Variants in SNAP91 observed in about 807,000 individuals in gnomAD.
SNAP91 encodes synaptosome associated protein 91, also known as clathrin coat assembly protein AP180.
Under a neutral mutation model 100.3 loss-of-function variants are expected in SNAP91, and 27 were observed. The observed-to-expected ratio is 0.27, with a 90% CI of 0.20 to 0.37. The LOEUF is 0.37. Among genes scored for constraint, SNAP91 ranks in the 10% least tolerant of loss-of-function variants. SNAP91 has a pLI of 1.00. For missense variants in SNAP91, 986 were observed against 1,123.7 expected (o/e 0.88, Z 1.75); for synonymous variants, 404 against 398.6 (o/e 1.01, Z -0.16).
intron 9 of SNAP91, among the ~76,000 whole-genome samples, chr6:83,618,662 T>C (rs1049138456): frequency 6.6e-6 from 1 of 151,958 alleles, no homozygotes; most frequent in East Asian, 1.9e-4. Flanking sequence ...ATCTGATAAC[T>C]TCAAAATTGT....
intron 2 of SNAP91, among the ~76,000 whole-genome samples, chr6:83,700,102 A>C (rs998479519): frequency 2.6e-5 from 4 of 152,226 alleles, no homozygotes; most frequent in African/African-American, 7.2e-5. Context: ...GAATAATAAC[A>C]GCACGTAAGA....
chr6:83,642,177 T>C (rs1168071322), intron 7 of SNAP91, among the ~76,000 whole-genome samples: 1 of 151,802 alleles, frequency 6.6e-6, no homozygotes, highest in Non-Finnish European at 1.5e-5. Flanking sequence ...TTTTCAGTAT[T>C]CTTTTTTTAA....
intron 22 of SNAP91, among the ~76,000 whole-genome samples, chr6:83,583,700 CT>C (rs1431396537): frequency 2.6e-5 from 4 of 152,172 alleles, no homozygotes; most frequent in Admixed American, 1.3e-4. Flanking sequence ...CACATTGTCT[CT>C]TCTTCACAAA....
chr6:83,645,842 C>T (rs1387972912), intron 7 of SNAP91, among the ~76,000 whole-genome samples: 2 of 152,122 alleles, frequency 1.3e-5, no homozygotes, highest in Admixed American at 6.5e-5. Context: ...CAGAATAAGA[C>T]CTCCACTAAA....
In SNAP91 at chr6:83,694,815, C is replaced by G. The variant is rs150308417; in HGVS notation, c.130+12983G>C. ...ATTGGTTACAAGGGCCAAAATGCTT[C>G]TCTTTTTGCCAAAACTATTTTGATC... On this transcript the variant is annotated intron_variant, in intron 2 of 29. Coordinates refer to ENST00000369694, the MANE Select transcript of SNAP91 (RefSeq NM_001242792.2). 8.6e-3 allele frequency among the ~76,000 whole-genome samples: 1,301 copies of G among 150,530 alleles called. 17 individuals carry two copies. The highest frequency in any genetic ancestry group is 0.03 in the African/African-American group (1,209 of 39,872).
intron 2 of SNAP91, among the ~76,000 whole-genome samples, chr6:83,668,640 T>A (rs1466432986): frequency 2.0e-5 from 3 of 151,846 alleles, no homozygotes; most frequent in African/African-American, 2.4e-5. Flanking sequence ...TGAGAACACA[T>A]GGACACAGGA....
At chr6:83,616,868 C>T (rs1366235545) in intron 10 of SNAP91, 101 bp downstream of exon 10, 26 of 791,052 alleles carry the variant, frequency 3.3e-5, no homozygotes, top group Non-Finnish European at 3.9e-6. Context: ...AAAGCATACC[C>T]TAAAACTAGA....
At chr6:83,572,553 A>G (rs558219466) in intron 26 of SNAP91, among the ~76,000 whole-genome samples, 2 of 152,136 alleles carry the variant, frequency 1.3e-5, no homozygotes, top group East Asian at 3.9e-4. Context: ...TGCCCAGCCA[A>G]CTTTTTTTTT....
chr6:83,708,789 G>C (rs2099415413), intron 1 of SNAP91, 56 bp downstream of exon 1: 1 of 152,072 alleles, frequency 6.6e-6, no homozygotes, highest in African/African-American at 2.4e-5. Flanking sequence ...ATCCTCTGCG[G>C]ATCCCCGCGA....
At chr6:83,625,297 G>A (rs2096889635) in intron 8 of SNAP91, among the ~76,000 whole-genome samples, 1 of 152,090 alleles carries the variant, frequency 6.6e-6, no homozygotes, top group South Asian at 2.1e-4. Context: ...CCACTGATGG[G>A]CACCTAGGTT....
chr6:83,709,327 C>T (rs964623140), upstream of SNAP91: 1 of 152,374 alleles, frequency 6.6e-6, no homozygotes, highest in Non-Finnish European at 1.5e-5. Context: ...GACACCCACC[C>T]AGCCAGCGGC....
At chr6:83,605,187 A>T (rs916001426) in intron 14 of SNAP91, among the ~76,000 whole-genome samples, 1 of 152,162 alleles carries the variant, frequency 6.6e-6, no homozygotes, top group African/African-American at 2.4e-5. Context: ...TTCTGGTACA[A>T]ATAAGAATCT....
At chr6:83,604,729 C>A (rs1034494884) in intron 14 of SNAP91, among the ~76,000 whole-genome samples, 8 of 152,120 alleles carry the variant, frequency 5.3e-5, no homozygotes, top group Admixed American at 6.5e-5. Context: ...GAAAAGATAA[C>A]CTCAAGGCTA....
intron 2 of SNAP91, among the ~76,000 whole-genome samples, chr6:83,665,783 A>G (rs1228775647): frequency 6.6e-6 from 1 of 152,066 alleles, no homozygotes; most frequent in Non-Finnish European, 1.5e-5. Context: ...ATATTTATTT[A>G]TTCTTGAGTA....
At chr6:83,645,911 T>C (rs922253514) in intron 7 of SNAP91, among the ~76,000 whole-genome samples, 8 of 152,208 alleles carry the variant, frequency 5.3e-5, no homozygotes, top group African/African-American at 1.4e-4. Context: ...GTCAGAGAGC[T>C]GAAAACATGC....
At position 83,611,207 on chromosome 6, in the gene SNAP91, C is replaced by G. The variant is rs964911651; in HGVS notation, c.885-530G>C. Among the ~76,000 whole-genome samples, 13 of 151,988 alleles carry G rather than the reference C, an allele frequency of 8.6e-5. 1 individual carries two copies. Among genetic ancestry groups the G allele is most frequent in the Non-Finnish European group, 1.5e-4 (10 of 68,012 alleles). On this transcript the variant is annotated intron_variant, in intron 11 of 29. Transcript: ENST00000369694. ...TTCATACTCTTGAAGTCTGTTTTCCCCCCCCATGGCTGTAATAAAAACTCT... is the reference window on the plus strand; with the variant it reads ...TTCATACTCTTGAAGTCTGTTTTCCGCCCCCATGGCTGTAATAAAAACTCT...
intron 27 of SNAP91, 44 bp downstream of exon 27, chr6:83,560,820 T>C (rs1394131243): frequency 1.5e-5 from 23 of 1,525,740 alleles, no homozygotes; most frequent in South Asian, 2.3e-5. Context: ...TGGCAAATTA[T>C]TTAGAAATGT....
At chr6:83,605,419 CA>C (rs2128275391) in intron 14 of SNAP91, among the ~76,000 whole-genome samples, 2 of 152,062 alleles carry the variant, frequency 1.3e-5, no homozygotes, top group South Asian at 4.2e-4. Flanking sequence ...AAAAGAACAA[CA>C]AAAAACCCAC....
chr6:83,554,046 A>G lies in SNAP91; in HGVS notation c.*250T>C, dbSNP rs1384165429. 2 of 155,292 alleles carry G rather than the reference A, an allele frequency of 1.3e-5. No individual in the cohort carries two copies. Among genetic ancestry groups the G allele is most frequent in the Non-Finnish European group, 2.9e-5 (2 of 68,588 alleles). 9.6% of individuals were successfully genotyped at this position (155,292 alleles called of 1,614,324 possible). ...CTAACGGCATCAGTAACATCCATTC[A>G]TTGTTTACATCGTACAATACACAAA... On this transcript the variant is annotated 3_prime_UTR_variant, in exon 30 of 30. Coordinates refer to ENST00000369694, the MANE Select transcript of SNAP91 (RefSeq NM_001242792.2).
Sources: gnomAD v4.1 joint callset for allele counts (sites outside exome capture counted in the v4.1 genomes callset) on GRCh38, gnomAD v4.1.1 for gene constraint, MANE v1.5 for transcripts, NCBI Gene and HGNC (gene_info 2026-07-23, HGNC 2026-07-21) for gene names.